Variants in C10orf90 observed in about 807,000 individuals in gnomAD.
C10orf90 encodes the protein chromosome 10 open reading frame 90, also known as (E2-independent) E3 ubiquitin-conjugating enzyme FATS.
Under a neutral mutation model 62.5 loss-of-function variants are expected in C10orf90, and 56 were observed. That is an observed-to-expected ratio of 0.90 (90% CI 0.72 to 1.12). C10orf90 has a LOEUF of 1.12. Among genes scored for constraint, C10orf90 ranks in the 50% most tolerant of loss-of-function variants. The probability of loss-of-function intolerance (pLI) is 0.00; values close to 1 mark genes in which losing one functional copy is unlikely to be tolerated. For missense variants in C10orf90, 970 were observed against 880.4 expected, an observed-to-expected ratio of 1.10 and a Z score of -1.29; for synonymous variants, 386 against 340.4, an observed-to-expected ratio of 1.13 and a Z score of -1.47.
chr10:126,496,590 C>G (rs78648687), intron 4 of C10orf90: 1 of 884,570 alleles, frequency 1.1e-6, no homozygotes, highest in Admixed American at 6.2e-5. Flanking sequence ...ACATTTCCCC[C>G]GCCACCCTCC....
At chr10:126,625,194 C>A (rs1414167560) in intron 2 of C10orf90, among the ~76,000 whole-genome samples, 1 of 152,188 alleles carries the variant, frequency 6.6e-6, no homozygotes, top group Non-Finnish European at 1.5e-5. Context: ...CAAGCCCACG[C>A]TGGACCCCCT....
At chr10:126,580,091 G>A (rs1214657699) in intron 2 of C10orf90, among the ~76,000 whole-genome samples, 1 of 152,178 alleles carries the variant, frequency 6.6e-6, no homozygotes, top group African/African-American at 2.4e-5. Flanking sequence ...CCCCTGATCA[G>A]TGGGAATTGC....
At chr10:126,542,519 A>G (rs1864400278) in intron 2 of C10orf90, among the ~76,000 whole-genome samples, 2 of 152,154 alleles carry the variant, frequency 1.3e-5, no homozygotes, top group Non-Finnish European at 2.9e-5. Flanking sequence ...TAAATAAATA[A>G]AAAATAATAC....
At chr10:126,620,112 C>CATG (rs2133814544) in intron 2 of C10orf90, among the ~76,000 whole-genome samples, 1 of 152,056 alleles carries the variant, frequency 6.6e-6, no homozygotes, top group South Asian at 2.1e-4. Flanking sequence ...AGCAAGAGTC[C>CATG]TCAATTTTAA....
At chr10:126,492,066 G>T (rs1449193714) in intron 4 of C10orf90, among the ~76,000 whole-genome samples, 2 of 152,268 alleles carry the variant, frequency 1.3e-5, no homozygotes, top group South Asian at 4.1e-4. Flanking sequence ...TCGGATCCTG[G>T]AACAGAAAAA....
intron 2 of C10orf90, among the ~76,000 whole-genome samples, chr10:126,630,057 A>G (rs1564899915): frequency 6.6e-6 from 1 of 152,256 alleles, no homozygotes; most frequent in Non-Finnish European, 1.5e-5. Flanking sequence ...ATAGATAATA[A>G]AAATAGCGGC....
intron 2 of C10orf90, among the ~76,000 whole-genome samples, chr10:126,586,136 T>C (rs1844865822): frequency 6.6e-6 from 1 of 152,246 alleles, no homozygotes; most frequent in African/African-American, 2.4e-5. Context: ...GTGTATTTCC[T>C]AATAGCCAGC....
chr10:126,565,190 T>TGTAATATAAATA (rs1844326616), intron 2 of C10orf90, among the ~76,000 whole-genome samples: 1 of 22,962 alleles, frequency 4.4e-5, no homozygotes, highest in Non-Finnish European at 9.1e-5. Context: ...TAATATAATA[T>TGTAATATAAATA]TTATATTACA....
chr10:126,544,444 C>T (rs1261408860), intron 2 of C10orf90, among the ~76,000 whole-genome samples: 3 of 152,056 alleles, frequency 2.0e-5, no homozygotes, highest in African/African-American at 4.8e-5. Context: ...GGGGCCATTG[C>T]GTGAAATAAC....
intron 8 of C10orf90, 86 bp from the exon 9 acceptor site, chr10:126,426,176 C>T: frequency 9.2e-7 from 1 of 1,085,476 alleles, no homozygotes; most frequent in Non-Finnish European, 1.4e-6. Flanking sequence ...ACGGCAGGCT[C>T]TTACATTTCA....
chr10:126,442,361 C>A (rs909771032), intron 7 of C10orf90, among the ~76,000 whole-genome samples: 1 of 149,408 alleles, frequency 6.7e-6, no homozygotes, highest in Non-Finnish European at 1.5e-5. Context: ...GAAAATATCA[C>A]AATCCTATAC....
chr10:126,457,314 G>A (rs1478111234), intron 7 of C10orf90, among the ~76,000 whole-genome samples: 1 of 152,198 alleles, frequency 6.6e-6, no homozygotes, highest in East Asian at 1.9e-4. Context: ...AAGCCCCTGT[G>A]TTTGGTGATT....
At chr10:126,464,561 C>G in intron 5 of C10orf90, 135 bp downstream of exon 5, 1 of 1,027,608 alleles carries the variant, frequency 9.7e-7, no homozygotes, top group African/African-American at 1.6e-5. Context: ...TGTCCCCTCT[C>G]TGCTCTCCCA....
chr10:126,467,671 AT>A (rs1564813262), intron 4 of C10orf90, among the ~76,000 whole-genome samples: 1 of 152,218 alleles, frequency 6.6e-6, no homozygotes, highest in Admixed American at 6.5e-5. Flanking sequence ...CATTCCCCAT[AT>A]CCCCTTTTCC....
intron 2 of C10orf90, among the ~76,000 whole-genome samples, chr10:126,605,221 C>T (rs529047762): frequency 6.6e-5 from 10 of 152,300 alleles, no homozygotes; most frequent in Admixed American, 5.9e-4. Flanking sequence ...ACCGTAAATG[C>T]CCTCAGAGGG....
At position 126,528,595 on chromosome 10, in the gene C10orf90, C is replaced by A. The variant is rs530792361; in HGVS notation, c.314-14656G>T. 5.1e-4 allele frequency among the ~76,000 whole-genome samples: 78 copies of A among 152,304 alleles called. 1 individual carries two copies. Among genetic ancestry groups the A allele is most frequent in the East Asian group, 3.5e-3 (18 of 5,172 alleles). On this transcript the variant is annotated intron_variant, in intron 2 of 9. Coordinates refer to ENST00000488181, the MANE Select transcript of C10orf90 (RefSeq NM_001350921.2). ...GGTCAGCAATTCTGCAGTGGCAATA[C>A]CCAGCTGGACCGTGATCAAGGCCAG...
chr10:126,574,840 C>T (rs537557899), intron 2 of C10orf90, among the ~76,000 whole-genome samples: 4 of 152,038 alleles, frequency 2.6e-5, no homozygotes, highest in Non-Finnish European at 5.9e-5. Flanking sequence ...TCTGAATGTG[C>T]CTAATCTCAG....
At chr10:126,551,526 T>C (rs1461748338) in intron 2 of C10orf90, among the ~76,000 whole-genome samples, 1 of 151,854 alleles carries the variant, frequency 6.6e-6, no homozygotes, top group Non-Finnish European at 1.5e-5. Context: ...GGAGTGAGTG[T>C]GGGAAAAAAA....
Position 126,425,920 on chromosome 10 carries a change from CA to C in C10orf90, c.2353-19del. The C allele has an allele frequency of 1.2e-6, 2 of 1,614,086 alleles. No individual in the cohort carries two copies. The highest frequency in any genetic ancestry group is 1.7e-6 in the Non-Finnish European group (2 of 1,179,994). On this transcript the variant is annotated intron_variant, in intron 9 of 9. Coordinates refer to ENST00000488181, the MANE Select transcript of C10orf90 (RefSeq NM_001350921.2). ...AGTAATTGCTAGAGGAAAAGGGAAA[CA>C]AAGATGTCAAGTTGAGATTCGGCAT...
Sources: allele counts gnomAD v4.1 joint callset (sites outside exome capture counted in the v4.1 genomes callset), GRCh38; gene constraint gnomAD v4.1.1; transcripts MANE v1.5; gene names NCBI Gene and HGNC (gene_info 2026-07-23, HGNC 2026-07-21).